The following THRB variants were observed in gnomAD, a reference collection of about 807,000 sequenced individuals.
THRB encodes the protein nuclear receptor subfamily 1 group A member 2.
THRB carries 12 observed loss-of-function variants against 47.8 expected under a neutral mutation model. The ratio of observed to expected loss-of-function variants is 0.25; its 90% CI spans 0.16 to 0.41. THRB has a LOEUF of 0.41. Ranked by LOEUF, THRB falls within the 10% of genes least tolerant of loss-of-function variation. THRB has a pLI of 1.00. For synonymous variants in THRB, 218 were observed against 212.2 expected (o/e 1.03, Z -0.24); for missense variants, 348 against 589.2 (o/e 0.59, Z 4.24).
chr3:24,123,430 C>G (rs548556463), intron 10 of THRB, among the ~76,000 whole-genome samples: 39 of 152,230 alleles, frequency 2.6e-4, no homozygotes, highest in African/African-American at 7.5e-4. Flanking sequence ...GAAGGAGAAG[C>G]CTGACATAGC....
intron 3 of THRB, among the ~76,000 whole-genome samples, chr3:24,251,785 G>T (rs1304208596): frequency 2.0e-5 from 3 of 151,854 alleles, no homozygotes; most frequent in Non-Finnish European, 2.9e-5. Flanking sequence ...AAAGCACAGG[G>T]AAAAAATAAA....
rs1364156981 is a variant in THRB, at chr3:24,283,875, G to A, written c.-43+13351C>T. Among the ~76,000 whole-genome samples the A allele has an allele frequency of 2.0e-5, 3 of 149,514 alleles. No individual in the cohort carries two copies. The East Asian group carries it at 5.9e-4, about 30-fold the overall frequency. ...ATACCTAGGAATCCAACTTACAAGG[G>A]ATGTGAAGGACCTCTTCAAGGAGAA... On this transcript the variant is annotated intron_variant, in intron 3 of 10. Coordinates refer to ENST00000646209, the MANE Select transcript of THRB (RefSeq NM_001354712.2).
chr3:24,442,378 A>G (rs1470589457), intron 1 of THRB, among the ~76,000 whole-genome samples: 2 of 152,212 alleles, frequency 1.3e-5, no homozygotes, highest in Non-Finnish European at 2.9e-5. Flanking sequence ...TGGAGCTGGG[A>G]TATGAATCCA....
intron 1 of THRB, among the ~76,000 whole-genome samples, chr3:24,347,341 G>A (rs889687540): frequency 2.6e-5 from 4 of 151,778 alleles, no homozygotes; most frequent in African/African-American, 9.7e-5. Context: ...TCCATTTCAA[G>A]AAGCCCTAAA....
chr3:24,288,679 G>A (rs577141653), intron 3 of THRB, among the ~76,000 whole-genome samples: 3 of 152,256 alleles, frequency 2.0e-5, no homozygotes, highest in South Asian at 2.1e-4. Context: ...TAAAATTCCC[G>A]GGTTGAATCA....
chr3:24,403,129 C>T (rs576656086), intron 1 of THRB, among the ~76,000 whole-genome samples: 3 of 151,990 alleles, frequency 2.0e-5, no homozygotes, highest in African/African-American at 7.2e-5. Flanking sequence ...AACAGAATGT[C>T]ATAACATTGA....
rs546341195 is a variant in THRB at position 24,452,821 on chromosome 3, G to C, written c.-261+41831C>G. ...AACCTCTCCCAAGAAAACTGGTCTT[G>C]TTAAATTGTTCTGGCATCCTGTTGG... is the stretch of plus-strand genomic sequence containing the variant. On this transcript the variant is annotated intron_variant, in intron 1 of 10. Transcript: ENST00000646209. 9.9e-5 allele frequency among the ~76,000 whole-genome samples: 15 copies of C among 152,234 alleles called. No homozygotes were observed. The South Asian group carries it at 3.1e-3, about 32-fold the overall frequency.
intron 3 of THRB, among the ~76,000 whole-genome samples, chr3:24,292,809 G>T (rs2056068720): frequency 6.6e-6 from 1 of 152,164 alleles, no homozygotes; most frequent in South Asian, 2.1e-4. Flanking sequence ...GTTTGGACCA[G>T]ATCCCTCGGC....
intron 9 of THRB, among the ~76,000 whole-genome samples, chr3:24,129,559 C>T (rs1273678921): frequency 6.6e-6 from 1 of 152,220 alleles, no homozygotes; most frequent in Non-Finnish European, 1.5e-5. Flanking sequence ...TAAGTATTTG[C>T]AAAGGATCAC....
At chr3:24,226,737 A>T (rs1310882107) in intron 4 of THRB, among the ~76,000 whole-genome samples, 3 of 152,162 alleles carry the variant, frequency 2.0e-5, no homozygotes, top group Non-Finnish European at 4.4e-5. Flanking sequence ...AACTGCCTGG[A>T]CCACCCTGGG....
chr3:24,482,538 C>CCTCT (rs10575358), intron 1 of THRB, among the ~76,000 whole-genome samples: 3,138 of 130,910 alleles, frequency 0.024, 58 homozygotes, highest in Middle Eastern at 0.065. Context: ...TTTCTGTCTC[C>CCTCT]CTCTCTCTCT....
intron 9 of THRB, among the ~76,000 whole-genome samples, chr3:24,130,979 C>G (rs1377784414): frequency 1.3e-5 from 2 of 152,162 alleles, no homozygotes; most frequent in African/African-American, 4.8e-5. Context: ...GCTATGTCCT[C>G]CCATTGAAGG....
At chr3:24,343,629 C>A (rs998418444) in intron 1 of THRB, among the ~76,000 whole-genome samples, 1 of 152,010 alleles carries the variant, frequency 6.6e-6, no homozygotes, top group Non-Finnish European at 1.5e-5. Context: ...ATCATCACTG[C>A]CCATCTCCCA....
At chr3:24,235,890 A>T (rs2048811132) in intron 3 of THRB, among the ~76,000 whole-genome samples, 1 of 152,122 alleles carries the variant, frequency 6.6e-6, no homozygotes, top group Non-Finnish European at 1.5e-5. Flanking sequence ...GCAAGCAACT[A>T]TTTTTATGAA....
At chr3:24,398,535 C>T (rs1293854831) in intron 1 of THRB, among the ~76,000 whole-genome samples, 4 of 152,164 alleles carry the variant, frequency 2.6e-5, no homozygotes, top group Non-Finnish European at 5.9e-5. Context: ...GAGATACCAT[C>T]TCACACCAGT....
At chr3:24,349,328 T>C (rs1405495797) in intron 1 of THRB, among the ~76,000 whole-genome samples, 1 of 150,978 alleles carries the variant, frequency 6.6e-6, no homozygotes, top group Non-Finnish European at 1.5e-5. Context: ...AAGTCTTGGG[T>C]TTTTTTTTCT....
chr3:24,269,277 CCACACACACACACACACA>C (rs4024153), intron 3 of THRB, among the ~76,000 whole-genome samples: 57 of 140,754 alleles, frequency 4.0e-4, no homozygotes, highest in Admixed American at 2.1e-3. Flanking sequence ...AATGGATACA[CCACACACACACACACACA>C]CACACACACA....
At chr3:24,128,122 T>C (rs574804074) in intron 9 of THRB, among the ~76,000 whole-genome samples, 6 of 152,332 alleles carry the variant, frequency 3.9e-5, no homozygotes, top group South Asian at 2.1e-4. Context: ...TGTTAAACTC[T>C]CCATTTTTGT....
intron 2 of THRB, among the ~76,000 whole-genome samples, chr3:24,320,886 T>C (rs1245769020): frequency 1.3e-5 from 2 of 152,040 alleles, no homozygotes; most frequent in Non-Finnish European, 2.9e-5. Flanking sequence ...CCTCTGTCCA[T>C]TGGGTCTCAC....
Sources: gnomAD v4.1 joint callset for allele counts (sites outside exome capture counted in the v4.1 genomes callset) on GRCh38, gnomAD v4.1.1 for gene constraint, MANE v1.5 for transcripts, NCBI Gene and HGNC (gene_info 2026-07-23, HGNC 2026-07-21) for gene names.